Variants in PTPRA observed in about 807,000 individuals in gnomAD.
PTPRA encodes the protein protein tyrosine phosphatase receptor type A.
Under a neutral mutation model 104.8 loss-of-function variants are expected in PTPRA, and 25 were observed. That is an observed-to-expected ratio of 0.24 (90% confidence interval 0.17 to 0.33). PTPRA has a LOEUF of 0.33. Among genes scored for constraint, PTPRA ranks in the 10% least tolerant of loss-of-function variants. PTPRA has a pLI of 1.00. For missense variants in PTPRA, 765 were observed against 1,015.3 expected, an observed-to-expected ratio of 0.75 and a Z score of 3.35; for synonymous variants, 323 against 368.9, an observed-to-expected ratio of 0.88 and a Z score of 1.43.
At chr20:2,866,453 TGGCCATC>T in the PTPRA span, 2 of 1,614,162 alleles carry the variant, frequency 1.2e-6, no homozygotes, top group Non-Finnish European at 1.7e-6. Flanking sequence ...GCTGCAGATG[TGGCCATC>T]GAACACCGGA....
At chr20:2,923,895 T>A (rs2060192639) in intron 2 of PTPRA, among the ~76,000 whole-genome samples, 1 of 152,192 alleles carries the variant, frequency 6.6e-6, no homozygotes, top group East Asian at 1.9e-4. Context: ...GTTTTTTAAG[T>A]GGGAATGTAA....
chr20:2,864,976 A>G, the PTPRA span: 1 of 1,614,048 alleles, frequency 6.2e-7, no homozygotes, highest in South Asian at 1.1e-5. The surrounding 1 kb of genome is among the most constrained non-coding windows in gnomAD (Gnocchi z 5.2). Flanking sequence ...TTGTCTTTAT[A>G]GCGTATTGAG....
At chr20:2,939,984 C>T (rs2060848211) in intron 2 of PTPRA, among the ~76,000 whole-genome samples, 1 of 152,208 alleles carries the variant, frequency 6.6e-6, no homozygotes, top group African/African-American at 2.4e-5. Context: ...GTGGGGGACG[C>T]CTGTAATCCC....
chr20:2,910,478 T>TA (rs2059662945), intron 1 of PTPRA, among the ~76,000 whole-genome samples: 1 of 104,654 alleles, frequency 9.6e-6, no homozygotes, highest in Non-Finnish European at 1.7e-5. Context: ...TTTTTATATA[T>TA]ACTTTTTTTT....
intron 2 of PTPRA, among the ~76,000 whole-genome samples, chr20:2,935,700 A>G (rs796176412): frequency 1.3e-5 from 2 of 152,296 alleles, no homozygotes; most frequent in African/African-American, 2.4e-5. Context: ...ACATGCCACT[A>G]TAGTCAGCTA....
intron 1 of PTPRA, among the ~76,000 whole-genome samples, chr20:2,903,264 G>A (rs1252390825): frequency 6.6e-6 from 1 of 152,188 alleles, no homozygotes; most frequent in Non-Finnish European, 1.5e-5. Context: ...TTTGGATAAG[G>A]GATACTCAAC....
chr20:2,962,683 GT>G (rs1182156726), intron 3 of PTPRA, among the ~76,000 whole-genome samples: 2 of 152,150 alleles, frequency 1.3e-5, no homozygotes, highest in Non-Finnish European at 2.9e-5. Context: ...TAAAATGTAA[GT>G]TTTATGAAAA....
chr20:2,949,024 G>C (rs2061259157), intron 3 of PTPRA, among the ~76,000 whole-genome samples: 1 of 151,524 alleles, frequency 6.6e-6, no homozygotes, highest in Non-Finnish European at 1.5e-5. Context: ...CTGTGATCTT[G>C]CTGCATACTT....
chr20:2,934,669 CT>C (rs756152103), intron 2 of PTPRA, among the ~76,000 whole-genome samples: 4,216 of 127,084 alleles, frequency 0.033, 56 homozygotes, highest in Admixed American at 0.08. Context: ...CAATTAGAAC[CT>C]TTTTTTTTTT....
At chr20:2,893,383 T>TC (rs2058872004) in intron 1 of PTPRA, among the ~76,000 whole-genome samples, 1 of 152,204 alleles carries the variant, frequency 6.6e-6, no homozygotes. Flanking sequence ...ATACCATGTG[T>TC]CCCTCAGATA....
rs374722488 is a variant in PTPRA, at chr20:3,013,836, T to C, written c.907-2013T>C. Among the ~76,000 whole-genome samples, 6 of 152,210 alleles carry C rather than the reference T, an allele frequency of 3.9e-5. No individual in the cohort carries two copies. In the East Asian group the frequency reaches 1.2e-3, roughly 29 times the overall value. On this transcript the variant is annotated intron_variant, in intron 11 of 23. Coordinates refer to ENST00000399903, the MANE Select transcript of PTPRA (RefSeq NM_001385305.1). The stretch of plus-strand genomic sequence containing the variant: ...TCAGGAGCCAGGGAGCCACATTTCA[T>C]CTTTCCCTTGAACAGAACACAAGAT...
At chr20:3,004,056 C>T (rs979000404) in intron 9 of PTPRA, among the ~76,000 whole-genome samples, 7 of 152,192 alleles carry the variant, frequency 4.6e-5, no homozygotes, top group Non-Finnish European at 7.3e-5. Context: ...CTCGCTCTGT[C>T]GCCTAGGCTG....
At chr20:2,992,424 G>A (rs1280939007) in intron 9 of PTPRA, among the ~76,000 whole-genome samples, 1 of 152,176 alleles carries the variant, frequency 6.6e-6, no homozygotes, top group African/African-American at 2.4e-5. Flanking sequence ...GGTTGAGGCA[G>A]GAGAATCGCT....
intron 5 of PTPRA, among the ~76,000 whole-genome samples, chr20:2,972,744 T>C (rs953658133): frequency 6.6e-6 from 1 of 152,112 alleles, no homozygotes; most frequent in Non-Finnish European, 1.5e-5. Context: ...TAAGACAGGC[T>C]TTTTCACTGT....
chr20:3,037,624 T>G lies in PTPRA; in HGVS notation c.2334+335T>G, dbSNP rs1447508172. Reference sequence around the variant, plus strand: ...TGGGCTCCCTGTTAAGAGGTCTGACTTTAATAAGCCGCACATCCACAGAGG... The same window carrying G: ...TGGGCTCCCTGTTAAGAGGTCTGACGTTAATAAGCCGCACATCCACAGAGG... On this transcript the variant is annotated intron_variant, in intron 23 of 23. Coordinates refer to ENST00000399903, the MANE Select transcript of PTPRA (RefSeq NM_001385305.1). This position sits in a 1 kb window ranked among gnomAD's most constrained non-coding sequence, Gnocchi z 4.3. Among the ~76,000 whole-genome samples the G allele has an allele frequency of 1.3e-5, 2 of 152,198 alleles. No individual in the cohort carries two copies. The highest frequency in any genetic ancestry group is 2.9e-5 in the Non-Finnish European group (2 of 68,032).
chr20:2,945,582 GGTGTGTGTGTGTGT>G (rs3842441), intron 2 of PTPRA, among the ~76,000 whole-genome samples: 3 of 148,152 alleles, frequency 2.0e-5, no homozygotes, highest in African/African-American at 5.0e-5. Flanking sequence ...ATAATTGGCA[GGTGTGTGTGTGTGT>G]GTGTGTGTGT....
chr20:3,013,888 T>C (rs10485605), intron 11 of PTPRA, among the ~76,000 whole-genome samples: 8,338 of 152,180 alleles, frequency 0.055, 722 homozygotes, highest in African/African-American at 0.19. Context: ...TTCTCATTAC[T>C]CTGTATTAGT....
intron 5 of PTPRA, among the ~76,000 whole-genome samples, chr20:2,966,665 A>G (rs1389734316): frequency 6.6e-6 from 1 of 152,204 alleles, no homozygotes; most frequent in Non-Finnish European, 1.5e-5. Context: ...TTCTAGAATA[A>G]TCCTATGAAT....
At chr20:2,931,669 A>G (rs776571294) in intron 2 of PTPRA, among the ~76,000 whole-genome samples, 71 of 152,050 alleles carry the variant, frequency 4.7e-4, no homozygotes, top group Admixed American at 1.3e-4. Flanking sequence ...GGCATTGCTT[A>G]CTTACTTCCT....
Sources: allele counts gnomAD v4.1 joint callset (sites outside exome capture counted in the v4.1 genomes callset), GRCh38; gene constraint gnomAD v4.1.1; non-coding constraint Gnocchi (gnomAD v3.1); transcripts MANE v1.5; gene names NCBI Gene and HGNC (gene_info 2026-07-23, HGNC 2026-07-21).